The following SPATA16 variants were observed in gnomAD, a reference collection of about 807,000 sequenced individuals.
SPATA16 encodes spermatogenesis associated 16.
In SPATA16, 36 loss-of-function variants were observed where a neutral mutation model predicts 63.3. That is an observed-to-expected ratio of 0.57 (90% confidence interval 0.44 to 0.75). The LOEUF (loss-of-function observed/expected upper bound fraction) is 0.75. Among genes scored for constraint, SPATA16 ranks in the 30% least tolerant of loss-of-function variants. SPATA16 has a pLI of 0.00. For missense variants in SPATA16, 646 were observed against 679.3 expected (o/e 0.95, Z 0.54); for synonymous variants, 203 against 216.7 (o/e 0.94, Z 0.56).
intron 6 of SPATA16, among the ~76,000 whole-genome samples, chr3:172,937,107 G>T (rs1733016373): frequency 6.6e-6 from 1 of 152,156 alleles, no homozygotes; most frequent in African/African-American, 2.4e-5. Flanking sequence ...GTGTCAGAAA[G>T]CTAGAGAAAT....
chr3:173,021,439 C>G (rs190546373), intron 3 of SPATA16, among the ~76,000 whole-genome samples: 1 of 152,036 alleles, frequency 6.6e-6, no homozygotes, highest in Admixed American at 6.6e-5. Flanking sequence ...GAACACAGAT[C>G]GTTTGCTTTG....
At chr3:173,030,098 CTAT>C (rs1735568267) in intron 3 of SPATA16, among the ~76,000 whole-genome samples, 14 of 148,844 alleles carry the variant, frequency 9.4e-5, no homozygotes, top group Non-Finnish European at 1.5e-4. Flanking sequence ...ATCTATCTAT[CTAT>C]CTACCCACCC....
At chr3:172,957,562 T>C (rs1733627187) in intron 5 of SPATA16, among the ~76,000 whole-genome samples, 1 of 152,194 alleles carries the variant, frequency 6.6e-6, no homozygotes, top group Non-Finnish European at 1.5e-5. Context: ...CCTACAACTT[T>C]TCCTTCTAAT....
At chr3:173,124,090 G>A (rs1738162165) in intron 1 of SPATA16, among the ~76,000 whole-genome samples, 1 of 152,154 alleles carries the variant, frequency 6.6e-6, no homozygotes, top group Admixed American at 6.5e-5. Context: ...CACCAAATGA[G>A]GAAAATGGCA....
chr3:173,064,313 C>T (rs557456664), intron 2 of SPATA16, among the ~76,000 whole-genome samples: 62 of 86,630 alleles, frequency 7.2e-4, no homozygotes, highest in Non-Finnish European at 1.1e-3. Context: ...ATCACACACA[C>T]GCACACCAAA....
At chr3:172,980,925 T>G (rs886238571) in intron 4 of SPATA16, among the ~76,000 whole-genome samples, 4 of 152,234 alleles carry the variant, frequency 2.6e-5, no homozygotes, top group African/African-American at 9.7e-5. Context: ...TTTCTCTTCC[T>G]GTTGTCTCTG....
At chr3:172,951,223 A>G (rs1733423216) in intron 6 of SPATA16, among the ~76,000 whole-genome samples, 1 of 152,162 alleles carries the variant, frequency 6.6e-6, no homozygotes, top group Admixed American at 6.5e-5. Context: ...TCTCCATGAA[A>G]TATAATACAA....
rs548000022 is a variant in SPATA16, at chr3:172,928,844, T to A, written c.1082-3352A>T. On this transcript the variant is annotated intron_variant, in intron 6 of 10. Coordinates refer to ENST00000351008, the MANE Select transcript of SPATA16 (RefSeq NM_031955.6). ...ACATATGGTTAAATTTAGAAAAAAA[T>A]TTTTTTTCAAGTATCATTCTTTTTC... Among the ~76,000 whole-genome samples, 152 of 152,164 alleles carry A rather than the reference T, an allele frequency of 1.0e-3. 1 individual carries two copies. The highest frequency in any genetic ancestry group is 8.6e-3 in the Admixed American group (131 of 15,278).
intron 4 of SPATA16, among the ~76,000 whole-genome samples, chr3:173,003,611 GT>G (rs1295958677): frequency 6.6e-6 from 1 of 152,194 alleles, no homozygotes; most frequent in Non-Finnish European, 1.5e-5. Context: ...ATCTGACAAA[GT>G]TTGGCATAGA....
At chr3:173,041,123 G>A (rs1437710593) in intron 3 of SPATA16, among the ~76,000 whole-genome samples, 4 of 152,100 alleles carry the variant, frequency 2.6e-5, no homozygotes, top group African/African-American at 7.2e-5. Context: ...GAGACATAAA[G>A]TACTAATGAT....
chr3:172,905,352 A>T (rs927681978), intron 10 of SPATA16, among the ~76,000 whole-genome samples: 11 of 152,184 alleles, frequency 7.2e-5, no homozygotes, highest in Non-Finnish European at 1.0e-4. Flanking sequence ...CAGAAGTACT[A>T]ACCCAGCCAC....
intron 1 of SPATA16, among the ~76,000 whole-genome samples, chr3:173,136,687 G>A (rs1738554113): frequency 6.6e-6 from 1 of 152,118 alleles, no homozygotes; most frequent in Non-Finnish European, 1.5e-5. Flanking sequence ...CTCTGTGCTT[G>A]CTTTCTGACC....
chr3:173,052,086 C>T (rs1475648678), intron 2 of SPATA16, among the ~76,000 whole-genome samples: 3 of 152,148 alleles, frequency 2.0e-5, no homozygotes, highest in African/African-American at 7.2e-5. Context: ...GCTGGGATTA[C>T]AGGCGTGAGC....
intron 4 of SPATA16, among the ~76,000 whole-genome samples, chr3:172,992,759 A>T (rs1414513905): frequency 6.6e-6 from 1 of 152,020 alleles, no homozygotes; most frequent in Non-Finnish European, 1.5e-5. Context: ...CCCAAATGGG[A>T]TCCATTTTCG....
At chr3:173,099,982 A>G (rs1031369358) in intron 2 of SPATA16, among the ~76,000 whole-genome samples, 2 of 152,232 alleles carry the variant, frequency 1.3e-5, no homozygotes, top group African/African-American at 4.8e-5. Context: ...GTCCCCACAT[A>G]GAAGTTGGTG....
At chr3:173,139,451 G>A (rs906534460) in intron 1 of SPATA16, among the ~76,000 whole-genome samples, 3 of 152,186 alleles carry the variant, frequency 2.0e-5, no homozygotes, top group African/African-American at 7.2e-5. Flanking sequence ...TTTCCAAGAA[G>A]ATGACTCAAC....
chr3:172,903,706 T>C (rs1732174294), intron 10 of SPATA16, among the ~76,000 whole-genome samples: 1 of 152,224 alleles, frequency 6.6e-6, no homozygotes, highest in South Asian at 2.1e-4. Flanking sequence ...AATAGTGAGC[T>C]ATCAAAGCAA....
At chr3:172,927,600 C>A (rs1284497169) in intron 6 of SPATA16, among the ~76,000 whole-genome samples, 1 of 152,102 alleles carries the variant, frequency 6.6e-6, no homozygotes, top group Non-Finnish European at 1.5e-5. Flanking sequence ...TTATCAGGCC[C>A]ACCTTACAGA....
At chr3:172,974,326 A>T (rs994736332) in intron 5 of SPATA16, among the ~76,000 whole-genome samples, 2 of 152,112 alleles carry the variant, frequency 1.3e-5, no homozygotes, top group Non-Finnish European at 2.9e-5. Flanking sequence ...AATAGTGTCT[A>T]TCTATTTAAC....
Sources: allele counts gnomAD v4.1 joint callset (sites outside exome capture counted in the v4.1 genomes callset), GRCh38; gene constraint gnomAD v4.1.1; transcripts MANE v1.5; gene names NCBI Gene and HGNC (gene_info 2026-07-23, HGNC 2026-07-21).